Variants in CEP89 observed in about 807,000 individuals in gnomAD.
The protein encoded by CEP89 is centrosomal protein 89, also known as centrosomal protein of 89 kDa.
Under a neutral mutation model 97.6 loss-of-function variants are expected in CEP89, and 95 were observed. That is an observed-to-expected ratio of 0.97 (90% CI 0.82 to 1.15). The LOEUF is 1.15. Among genes scored for constraint, CEP89 ranks in the 50% most tolerant of loss-of-function variants. The probability of loss-of-function intolerance (pLI) is 0.00; values close to 1 mark genes in which losing one functional copy is unlikely to be tolerated. For synonymous variants in CEP89, 354 were observed against 349.1 expected (o/e 1.01, Z -0.16); for missense variants, 869 against 947.7 (o/e 0.92, Z 1.09).
intron 17 of CEP89, among the ~76,000 whole-genome samples, chr19:32,884,768 G>T (rs1275260571): frequency 6.6e-6 from 1 of 152,034 alleles, no homozygotes; most frequent in Non-Finnish European, 1.5e-5. Context: ...TCTCTATGTT[G>T]CCCAGGCTGA....
chr19:32,958,666 G>A (rs1206961245), intron 3 of CEP89, among the ~76,000 whole-genome samples: 8 of 151,208 alleles, frequency 5.3e-5, no homozygotes. Flanking sequence ...GCAACAGAGT[G>A]AGACTCTGTC....
intron 2 of CEP89, among the ~76,000 whole-genome samples, chr19:32,962,603 A>G (rs1243348097): frequency 6.6e-6 from 1 of 152,238 alleles, no homozygotes; most frequent in Non-Finnish European, 1.5e-5. Flanking sequence ...GATCCATAAA[A>G]GAAAAAATTG....
In CEP89 at chr19:32,918,872, C is replaced by A. The variant is rs112516149; in HGVS notation, c.1269-533G>T. Among the ~76,000 whole-genome samples the A allele has an allele frequency of 1.2e-3, 145 of 116,842 alleles. 2 individuals carry two copies. The highest frequency in any genetic ancestry group is 4.9e-3 in the Middle Eastern group (1 of 204). The allele number at this position is 116,842 out of a possible 152,430, so 76.7% of individuals were successfully genotyped here. A position where few individuals can be genotyped will look rare whatever the true frequency, so the allele number is the denominator to read the frequency against. On this transcript the variant is annotated intron_variant, in intron 12 of 18. Coordinates refer to ENST00000305768, the MANE Select transcript of CEP89 (RefSeq NM_032816.5). ...TGAAATGGTTTCTTTTTTCTTTTTTCTTTTTCTTTTTCTTTTTTTTTTTTT... is the reference window on the plus strand; with the variant it reads ...TGAAATGGTTTCTTTTTTCTTTTTTATTTTTCTTTTTCTTTTTTTTTTTTT...
chr19:32,897,228 C>G (rs994659965), intron 16 of CEP89, among the ~76,000 whole-genome samples: 6 of 152,204 alleles, frequency 3.9e-5, no homozygotes, highest in African/African-American at 1.4e-4. Context: ...CTATGTAAGA[C>G]TGAATGCATA....
chr19:32,939,757 C>A, intron 6 of CEP89, 100 bp downstream of exon 6: 2 of 582,452 alleles, frequency 3.4e-6, no homozygotes, highest in Non-Finnish European at 6.2e-6. Flanking sequence ...CCCAAAATCA[C>A]CGCCAAAGTT....
At chr19:32,944,196 C>G (rs1970745788) in intron 5 of CEP89, among the ~76,000 whole-genome samples, 1 of 127,630 alleles carries the variant, frequency 7.8e-6, no homozygotes, top group South Asian at 2.6e-4. Context: ...TGTACTCCAG[C>G]CTGGGCAACA....
At chr19:32,924,449 G>T (rs1390720717) in intron 11 of CEP89, among the ~76,000 whole-genome samples, 1 of 152,168 alleles carries the variant, frequency 6.6e-6, no homozygotes, top group Non-Finnish European at 1.5e-5. Context: ...CCAACAGTCT[G>T]TGTGTGTGAC....
intron 9 of CEP89, among the ~76,000 whole-genome samples, chr19:32,927,841 G>A (rs1294213904): frequency 6.7e-6 from 1 of 149,490 alleles, no homozygotes; most frequent in Non-Finnish European, 1.5e-5. Flanking sequence ...CTGGCCTGAA[G>A]TGATCCTCCT....
At chr19:32,907,448 T>C (rs1284397066) in intron 14 of CEP89, among the ~76,000 whole-genome samples, 4 of 138,714 alleles carry the variant, frequency 2.9e-5, no homozygotes, top group Non-Finnish European at 6.0e-5. Context: ...ATGTCTGTGG[T>C]TTCTCTATTT....
intron 5 of CEP89, among the ~76,000 whole-genome samples, chr19:32,944,547 G>T (rs1970756233): frequency 6.6e-6 from 1 of 152,192 alleles, no homozygotes; most frequent in Non-Finnish European, 1.5e-5. Context: ...CTCTGGTCCA[G>T]TGGTGCGATG....
intron 9 of CEP89, among the ~76,000 whole-genome samples, chr19:32,929,683 G>A (rs761410279): frequency 2.8e-4 from 42 of 152,128 alleles, no homozygotes; most frequent in Admixed American, 2.0e-4. Context: ...CATGGCATTT[G>A]CACAGGGCAG....
chr19:32,935,910 C>T (rs949312222), intron 7 of CEP89, among the ~76,000 whole-genome samples: 12 of 152,202 alleles, frequency 7.9e-5, no homozygotes, highest in African/African-American at 2.4e-4. Context: ...CTTCACCCCA[C>T]TGTGGGCACC....
chr19:32,879,679 G>A (rs1176335175), intron 18 of CEP89, among the ~76,000 whole-genome samples: 1 of 152,174 alleles, frequency 6.6e-6, no homozygotes, highest in African/African-American at 2.4e-5. Context: ...CTTGACTTTG[G>A]CGCCAGTGCA....
intron 11 of CEP89, among the ~76,000 whole-genome samples, chr19:32,923,811 T>C (rs1253196336): frequency 6.6e-6 from 1 of 152,208 alleles, no homozygotes; most frequent in Non-Finnish European, 1.5e-5. Context: ...CCTAATTTGC[T>C]AACATTGTTC....
chr19:32,909,980 G>A (rs1969964451), intron 14 of CEP89, among the ~76,000 whole-genome samples: 1 of 152,202 alleles, frequency 6.6e-6, no homozygotes, highest in Non-Finnish European at 1.5e-5. Context: ...GATGAGATAG[G>A]CCAGATGCAG....
chr19:32,883,005 C>T (rs151150540), intron 17 of CEP89, among the ~76,000 whole-genome samples: 1 of 151,988 alleles, frequency 6.6e-6, no homozygotes, highest in East Asian at 2.0e-4. Context: ...ATTACAGGTG[C>T]CCACCACCAC....
intron 12 of CEP89, among the ~76,000 whole-genome samples, chr19:32,918,884 C>CTTTTTTTTTTTTTTTTTT (rs11339528): frequency 8.5e-6 from 1 of 117,646 alleles, no homozygotes; most frequent in Non-Finnish European, 1.7e-5. Flanking sequence ...TTTTCTTTTT[C>CTTTTTTTTTTTTTTTTTT]TTTTTTTTTT....
intron 9 of CEP89, among the ~76,000 whole-genome samples, chr19:32,927,683 C>A (rs10425372): frequency 0.42 from 63,353 of 151,688 alleles, 13,776 homozygotes; most frequent in East Asian, 0.65. Context: ...TGGCTCACTG[C>A]AACTTCTGCC....
Position 32,887,841 on chromosome 19 carries a change from C to T in CEP89, c.1876G>A (p.Ala626Thr), listed in dbSNP as rs763504167. The T allele has an allele frequency of 2.5e-6, 4 of 1,595,270 alleles. No individual in the cohort carries two copies. Among genetic ancestry groups the T allele is most frequent in the South Asian group, 2.2e-5 (2 of 89,962 alleles). The change falls in exon 17 of 19, where the codon GCA (alanine) becomes ACA (threonine). Residue 626 changes from alanine (A) to threonine (T), a missense_variant and splice_region_variant. Coordinates refer to ENST00000305768, the MANE Select transcript of CEP89 (RefSeq NM_032816.5). ...TQERDSLMCL[A>T]KCLESEKDGV... ...TCCTTCTCACTTTCTAAACATTTTG[C>T]CTAGGGAGAAGGGTGATAAATGGGC...
Sources: gnomAD v4.1 joint callset for allele counts (sites outside exome capture counted in the v4.1 genomes callset) on GRCh38, gnomAD v4.1.1 for gene constraint, MANE v1.5 for transcripts, NCBI Gene and HGNC (gene_info 2026-07-23, HGNC 2026-07-21) for gene names.